The following GAREM1 variants were observed in gnomAD, a reference collection of about 807,000 sequenced individuals.
The protein encoded by GAREM1 is GRB2-associated and regulator of MAPK protein 1.
In GAREM1, 26 loss-of-function variants were observed where a neutral mutation model predicts 71.3. The ratio of observed to expected loss-of-function variants is 0.36; its 90% CI spans 0.27 to 0.51. The LOEUF (loss-of-function observed/expected upper bound fraction) is 0.51. GAREM1 is among the 20% of genes least tolerant of loss of function. The pLI, the probability that GAREM1 is intolerant of heterozygous loss-of-function variation, is 0.95. For missense variants in GAREM1, 1,026 were observed against 1,103.1 expected, an observed-to-expected ratio of 0.93 and a Z score of 0.99; for synonymous variants, 440 against 433.2, an observed-to-expected ratio of 1.02 and a Z score of -0.20.
chr18:32,402,774 C>A (rs2048327408), intron 1 of GAREM1, among the ~76,000 whole-genome samples: 1 of 152,144 alleles, frequency 6.6e-6, no homozygotes, highest in African/African-American at 2.4e-5. Flanking sequence ...TAGATATCCC[C>A]CTGCCCTTCA....
At position 32,470,293 on chromosome 18, in the gene GAREM1, C is replaced by A. The variant is rs2049038904; in HGVS notation, c.121+15G>T. The A allele has an allele frequency of 2.0e-6, 3 of 1,508,370 alleles. No individual in the cohort carries two copies. In the South Asian group the frequency reaches 3.7e-5, roughly 19 times the overall value. The allele number at this position is 1,508,370 out of a possible 1,614,324, so 93.4% of individuals were successfully genotyped here. A position where few individuals can be genotyped will look rare whatever the true frequency, so the allele number is the denominator to read the frequency against. On this transcript the variant is annotated intron_variant, in intron 1 of 5. Coordinates refer to ENST00000269209, the MANE Select transcript of GAREM1 (RefSeq NM_001242409.2). This position sits in a 1 kb window ranked among gnomAD's most constrained non-coding sequence, Gnocchi z 4.4. ...TGTCCTCGCCCGTCTGCCCCGCGCC[C>A]CAGCTGGGACTCACCGTTGTCCAGG...
intron 1 of GAREM1, among the ~76,000 whole-genome samples, chr18:32,399,612 G>C (rs58263042): frequency 0.24 from 36,325 of 151,832 alleles, 5,504 homozygotes; most frequent in African/African-American, 0.43. Context: ...ATCCAACTTA[G>C]AAGGGAAGTG....
intron 1 of GAREM1, among the ~76,000 whole-genome samples, chr18:32,402,935 T>C (rs1226895787): frequency 1.3e-5 from 2 of 152,122 alleles, no homozygotes; most frequent in Non-Finnish European, 2.9e-5. Flanking sequence ...TTTCTTTTAT[T>C]GAGACAGAGT....
chr18:32,272,266 T>G (rs11665544), intron 4 of GAREM1, among the ~76,000 whole-genome samples: 9,882 of 152,252 alleles, frequency 0.065, 664 homozygotes, highest in African/African-American at 0.16. Flanking sequence ...TGGCTATGGG[T>G]AGCCCAGTAA....
intron 1 of GAREM1, among the ~76,000 whole-genome samples, chr18:32,447,165 G>A (rs1717170993): frequency 6.6e-6 from 1 of 152,152 alleles, no homozygotes; most frequent in Admixed American, 6.6e-5. Context: ...CATTCAGTAG[G>A]AAGCTGTGCG....
Position 32,402,275 on chromosome 18 carries a change from A to G in GAREM1, c.122-9240T>C, listed in dbSNP as rs193270868. On this transcript the variant is annotated intron_variant, in intron 1 of 5. Transcript: ENST00000269209. ...CCATCCTGAAATTTCCCCACATTTA[A>G]CATGCTTCTGGGATATGCTTGGATT... Among the ~76,000 whole-genome samples, 218 of 152,282 alleles carry G rather than the reference A, an allele frequency of 1.4e-3. 1 individual carries two copies. The highest frequency in any genetic ancestry group is 2.6e-3 in the Non-Finnish European group (179 of 68,022).
intron 1 of GAREM1, among the ~76,000 whole-genome samples, chr18:32,436,500 G>A (rs2048680210): frequency 6.6e-6 from 1 of 152,164 alleles, no homozygotes; most frequent in Non-Finnish European, 1.5e-5. Context: ...CTGGGTAAAA[G>A]GTTACAAAAT....
At chr18:32,455,983 C>CT (rs1402824166) in intron 1 of GAREM1, among the ~76,000 whole-genome samples, 1 of 152,074 alleles carries the variant, frequency 6.6e-6, no homozygotes, top group African/African-American at 2.4e-5. Flanking sequence ...AAAAAAAAAT[C>CT]TTATATCATA....
At chr18:32,277,080 A>G (rs1266184653) in intron 4 of GAREM1, among the ~76,000 whole-genome samples, 1 of 152,296 alleles carries the variant, frequency 6.6e-6, no homozygotes, top group East Asian at 1.9e-4. Flanking sequence ...GTCACTGGTG[A>G]TCTTAGCAAA....
chr18:32,364,023 T>TG (rs2047901288), intron 2 of GAREM1, among the ~76,000 whole-genome samples: 1 of 70,888 alleles, frequency 1.4e-5, no homozygotes, highest in African/African-American at 8.3e-5. Flanking sequence ...TATATATATA[T>TG]ATATGTTTTT....
intron 3 of GAREM1, among the ~76,000 whole-genome samples, chr18:32,294,906 A>G (rs959395372): frequency 6.6e-6 from 1 of 152,238 alleles, no homozygotes; most frequent in Non-Finnish European, 1.5e-5. Context: ...TTAATATAAA[A>G]ATACGATAAA....
chr18:32,322,663 G>A (rs1341163881), intron 2 of GAREM1, among the ~76,000 whole-genome samples: 1 of 152,092 alleles, frequency 6.6e-6, no homozygotes, highest in African/African-American at 2.4e-5. Context: ...TTTATTCCCA[G>A]TACTCAATAC....
intron 2 of GAREM1, among the ~76,000 whole-genome samples, chr18:32,319,480 T>C (rs2047410016): frequency 6.6e-6 from 1 of 152,240 alleles, no homozygotes; most frequent in Non-Finnish European, 1.5e-5. Context: ...TATTGCCTTT[T>C]TAACCTTTGT....
intron 1 of GAREM1, among the ~76,000 whole-genome samples, chr18:32,428,366 T>C (rs1267772429): frequency 6.6e-6 from 1 of 152,164 alleles, no homozygotes; most frequent in Non-Finnish European, 1.5e-5. Context: ...TGATCCCCAG[T>C]GTTGGAGGTG....
At chr18:32,392,160 T>C (rs1480099646) in intron 2 of GAREM1, among the ~76,000 whole-genome samples, 2 of 152,094 alleles carry the variant, frequency 1.3e-5, no homozygotes, top group Non-Finnish European at 2.9e-5. Flanking sequence ...AGATCCTTTA[T>C]ATAATGTATT....
At chr18:32,460,719 G>A (rs2144311121) in intron 1 of GAREM1, among the ~76,000 whole-genome samples, 1 of 152,276 alleles carries the variant, frequency 6.6e-6, no homozygotes, top group Non-Finnish European at 1.5e-5. Context: ...AATCCGTGGT[G>A]CCCAGAGATG....
chr18:32,265,985 T>A lies in GAREM1; in HGVS notation c.*1886A>T, dbSNP rs572970362. 1 of 152,210 alleles carries A rather than the reference T, an allele frequency of 6.6e-6. No individual in the cohort carries two copies. The highest frequency in any genetic ancestry group is 2.4e-5 in the African/African-American group (1 of 41,458). The allele number at this position is 152,210 out of a possible 1,614,324, so 9.4% of individuals were successfully genotyped here. ...AAACACGAAAGCTTCATAGGTCTCA[T>A]GTCCTGTGAGTGCAGTACCAGCACT... On this transcript the variant is annotated 3_prime_UTR_variant, in exon 6 of 6. Coordinates refer to ENST00000269209, the MANE Select transcript of GAREM1 (RefSeq NM_001242409.2).
intron 1 of GAREM1, among the ~76,000 whole-genome samples, chr18:32,408,719 C>T (rs957479817): frequency 1.3e-5 from 2 of 152,138 alleles, no homozygotes; most frequent in Admixed American, 6.5e-5. Flanking sequence ...TCTAGTGCAA[C>T]CCATGATTAG....
At chr18:32,315,473 T>A (rs1226780973) in intron 2 of GAREM1, among the ~76,000 whole-genome samples, 1 of 147,308 alleles carries the variant, frequency 6.8e-6, no homozygotes, top group African/African-American at 2.5e-5. Flanking sequence ...TAAATATATA[T>A]AAAAGTAGAT....
Sources: gnomAD v4.1 joint callset for allele counts (sites outside exome capture counted in the v4.1 genomes callset) on GRCh38, gnomAD v4.1.1 for gene constraint, Gnocchi (gnomAD v3.1) non-coding constraint, MANE v1.5 for transcripts, NCBI Gene and HGNC (gene_info 2026-07-23, HGNC 2026-07-21) for gene names.